The following RBM4 variants were observed in gnomAD, a reference collection of about 807,000 sequenced individuals.
RBM4 encodes RNA-binding protein 4.
RBM4 carries 7 observed loss-of-function variants against 29.5 expected under a neutral mutation model. The ratio of observed to expected loss-of-function variants is 0.24; its 90% CI spans 0.14 to 0.45. The LOEUF is 0.45. Among genes scored for constraint, RBM4 ranks in the 20% least tolerant of loss-of-function variants. The pLI, the probability that RBM4 is intolerant of heterozygous loss-of-function variation, is 1.00. For synonymous variants in RBM4, 220 were observed against 205.4 expected (o/e 1.07, Z -0.61); for missense variants, 387 against 502.3 (o/e 0.77, Z 2.19).
chr11:66,664,751 A>G (rs1939165048), intron 2 of RBM4, among the ~76,000 whole-genome samples: 1 of 152,180 alleles, frequency 6.6e-6, no homozygotes, highest in Non-Finnish European at 1.5e-5. Context: ...CATCACGCCC[A>G]GCTGGCCAAC....
At chr11:66,651,202 G>T (rs1483811019), downstream of RBM4, among the ~76,000 whole-genome samples, 13 of 152,182 alleles carry the variant, frequency 8.5e-5, no homozygotes, top group Admixed American at 8.5e-4. Flanking sequence ...ACCCAGGTCA[G>T]TTTGCTCTCA....
Position 66,646,175 on chromosome 11 carries a change from T to G in RBM4, c.*157T>G. 1 of 1,501,762 alleles carries G rather than the reference T, an allele frequency of 6.7e-7. No individual in the cohort carries two copies. Among genetic ancestry groups the G allele is most frequent in the South Asian group, 1.2e-5 (1 of 80,218 alleles). The allele number at this position is 1,501,762 out of a possible 1,614,324, so 93.0% of individuals were successfully genotyped here. A position where few individuals can be genotyped will look rare whatever the true frequency, so the allele number is the denominator to read the frequency against. On this transcript the variant is annotated 3_prime_UTR_variant, in exon 4 of 4. Transcript: ENST00000310092. Reference sequence around the variant, plus strand: ...AATTTACCTTGCTAAGTTCAGACCTTCTCTTCCTTTCCTTTCCTTTCCTCT... The same window carrying G: ...AATTTACCTTGCTAAGTTCAGACCTGCTCTTCCTTTCCTTTCCTTTCCTCT...
In RBM4 at chr11:66,643,182, T is replaced by C. The variant is rs1938540192; in HGVS notation, c.413-268T>C. On this transcript the variant is annotated intron_variant, in intron 2 of 3. Coordinates refer to ENST00000310092, the MANE Select transcript of RBM4 (RefSeq NM_002896.4). This position sits in a 1 kb window ranked among gnomAD's most constrained non-coding sequence, Gnocchi z 6.1. ...ATGATTTTTACCTGTTTGGAGATGA[T>C]TGGAGCAAGAGTAGTTTATTTCTTA... Among the ~76,000 whole-genome samples, 1 of 152,226 alleles carries C rather than the reference T, an allele frequency of 6.6e-6. No individual in the cohort carries two copies. The highest frequency in any genetic ancestry group is 2.4e-5 in the African/African-American group (1 of 41,458).
At position 66,644,002 on chromosome 11, in the gene RBM4, G is replaced by C. The variant is rs756935984; in HGVS notation, c.965G>C (p.Gly322Ala). The C allele has an allele frequency of 6.2e-7, 1 of 1,613,568 alleles. No homozygotes were observed. The highest frequency in any genetic ancestry group is 1.1e-5 in the South Asian group (1 of 91,086). The change falls in exon 3 of 4, where the codon GGA becomes GCA. Residue 322 changes from glycine to alanine, a missense_variant. Gly to Ala is a moderately conservative substitution (Grantham distance 60). Coordinates refer to ENST00000310092, the MANE Select transcript of RBM4 (RefSeq NM_002896.4). ...RRATAPVPTV[G>A]EGYGYGHESE... The stretch of plus-strand genomic sequence containing the variant: ...GCTACAGCCCCAGTCCCCACTGTTG[G>C]AGAGGGCTACGGTTACGGGCATGAG...
rs1043370 is a variant in RBM4, at chr11:66,639,969, T to C, written c.258T>C (p.Ser86=). 6.2e-7 allele frequency: 1 copy of C among 1,614,130 alleles called. No individual in the cohort carries two copies. The highest frequency in any genetic ancestry group is 8.5e-7 in the Non-Finnish European group (1 of 1,180,042). Residue 86 remains serine (S), a synonymous_variant, in exon 2 of 4, where the codon AGT becomes AGC. Transcript: ENST00000310092. The part of the protein sequence containing the change: ...TSTKLHVGNI[S]PTCTNKELRA... Reference sequence around the variant, plus strand: ...CAAAGTTGCATGTGGGCAACATCAGTCCCACCTGCACCAATAAGGAGCTTC... The same window carrying C: ...CAAAGTTGCATGTGGGCAACATCAGCCCCACCTGCACCAATAAGGAGCTTC...
chr11:66,654,401 CAG>C (rs1431179184), intron 2 of RBM4, among the ~76,000 whole-genome samples: 1 of 151,868 alleles, frequency 6.6e-6, no homozygotes, highest in African/African-American at 2.4e-5. Flanking sequence ...GAGGCTGAGA[CAG>C]GAGAATGGCG....
chr11:66,658,690 A>G (rs1441721747), intron 2 of RBM4, among the ~76,000 whole-genome samples: 1 of 152,044 alleles, frequency 6.6e-6, no homozygotes, highest in Non-Finnish European at 1.5e-5. Context: ...TAATCCCAGC[A>G]CTTTGGGAGG....
At position 66,639,762 on chromosome 11, in the gene RBM4, G is replaced by C; in HGVS notation, c.51G>C (p.Glu17Asp). Residue 17 changes from glutamate to aspartate, a missense_variant, in exon 2 of 4, where the codon GAG (glutamate) becomes GAC (aspartate). Glu to Asp is a conservative substitution (Grantham distance 45). Coordinates refer to ENST00000310092, the MANE Select transcript of RBM4 (RefSeq NM_002896.4). ...TGCCCCGGGAGGCTACAGAGCAGGAGATTCGCTCACTCTTCGAGCAGTATG... is the reference window on the plus strand; with the variant it reads ...TGCCCCGGGAGGCTACAGAGCAGGACATTCGCTCACTCTTCGAGCAGTATG... ...GNLPREATEQEIRSLFEQYGK... is the reference protein window; with the variant it reads ...GNLPREATEQDIRSLFEQYGK... 1 of 1,614,186 alleles carries C rather than the reference G, an allele frequency of 6.2e-7. No homozygotes were observed. The highest frequency in any genetic ancestry group is 8.5e-7 in the Non-Finnish European group (1 of 1,180,012).
chr11:66,646,078 A>C lies in RBM4; in HGVS notation c.*60A>C, dbSNP rs1938679634. On this transcript the variant is annotated 3_prime_UTR_variant, in exon 4 of 4. Transcript: ENST00000310092. ...GAGCTGCGGTTGTGCATGAGAATAC[A>C]CCCTTCGTGGTACCCCATCTCCGGG... 6.5e-7 allele frequency: 1 copy of C among 1,535,542 alleles called. No homozygotes were observed.
intron 2 of RBM4, among the ~76,000 whole-genome samples, chr11:66,652,922 A>G (rs142727681): frequency 1.1e-3 from 163 of 152,294 alleles, no homozygotes; most frequent in African/African-American, 3.5e-3. Flanking sequence ...CAAAGGAGAA[A>G]GTACGTAGCT....
chr11:66,654,711 T>C (rs1938908401), intron 2 of RBM4, among the ~76,000 whole-genome samples: 2 of 138,436 alleles, frequency 1.4e-5, no homozygotes, highest in South Asian at 4.7e-4. Flanking sequence ...AGAGGCAAGG[T>C]TTTCCCATTT....
intron 2 of RBM4, chr11:66,640,381 C>T (rs2135054417): frequency 1.8e-6 from 1 of 559,992 alleles, no homozygotes; most frequent in Non-Finnish European, 3.1e-6. Context: ...AGTGCAGAAA[C>T]CCTTTTCTTT....
chr11:66,640,327 C>A, intron 2 of RBM4: 1 of 685,346 alleles, frequency 1.5e-6, no homozygotes, highest in Admixed American at 2.9e-5. Flanking sequence ...TGGAGAAAAG[C>A]CACTCACCTT....
At chr11:66,655,320 C>T (rs1214320408) in intron 2 of RBM4, among the ~76,000 whole-genome samples, 2 of 150,280 alleles carry the variant, frequency 1.3e-5, no homozygotes, top group Non-Finnish European at 3.0e-5. Flanking sequence ...GACAGGGTCT[C>T]ACTCTGTCAC....
intron 2 of RBM4, among the ~76,000 whole-genome samples, chr11:66,659,017 T>C (rs1018497895): frequency 6.6e-6 from 1 of 151,488 alleles, no homozygotes; most frequent in African/African-American, 2.4e-5. Context: ...TTGCACATAT[T>C]GGGTAAAAAT....
intron 2 of RBM4, among the ~76,000 whole-genome samples, chr11:66,657,345 AG>A (rs1938968890): frequency 6.6e-6 from 1 of 150,636 alleles, no homozygotes; most frequent in Non-Finnish European, 1.5e-5. Flanking sequence ...CAGGCTGGTT[AG>A]GAACTCCTGG....
At chr11:66,667,771 A>C (rs879497042) in exon 3 of RBM4, 8 of 151,750 alleles carry the variant, frequency 5.3e-5, no homozygotes, top group Non-Finnish European at 1.0e-4. Context: ...TGGTGTGATC[A>C]TAGCTCACTG....
intron 2 of RBM4, among the ~76,000 whole-genome samples, chr11:66,663,113 A>C (rs1373927981): frequency 1.3e-5 from 2 of 152,270 alleles, no homozygotes; most frequent in African/African-American, 4.8e-5. Context: ...ACATTTCCAT[A>C]TAAAGTACAA....
intron 2 of RBM4, among the ~76,000 whole-genome samples, chr11:66,660,183 G>A (rs534677715): frequency 7.1e-6 from 1 of 140,394 alleles, no homozygotes; most frequent in Non-Finnish European, 1.5e-5. Context: ...TACTGCTTTA[G>A]AGCTAACTTA....
Sources: allele counts gnomAD v4.1 joint callset (sites outside exome capture counted in the v4.1 genomes callset), GRCh38; gene constraint gnomAD v4.1.1; non-coding constraint Gnocchi (gnomAD v3.1); transcripts MANE v1.5; gene names NCBI Gene and HGNC (gene_info 2026-07-23, HGNC 2026-07-21).